The following ITGB6 variants were observed in gnomAD, a reference collection of about 807,000 sequenced individuals.
ITGB6 encodes integrin subunit beta 6.
ITGB6 carries 80 observed loss-of-function variants against 84.5 expected under a neutral mutation model. The ratio of observed to expected loss-of-function variants is 0.95; its 90% CI spans 0.79 to 1.14. The LOEUF (loss-of-function observed/expected upper bound fraction) is 1.14. Ranked by LOEUF, ITGB6 falls within the 50% of genes most tolerant of loss-of-function variation. The pLI is 0.00. For missense variants in ITGB6, 1,006 were observed against 968.0 expected (o/e 1.04, Z -0.52); for synonymous variants, 383 against 354.9 (o/e 1.08, Z -0.89).
intron 4 of ITGB6, among the ~76,000 whole-genome samples, chr2:160,174,370 T>C (rs954228919): frequency 6.6e-6 from 1 of 152,218 alleles, no homozygotes; most frequent in African/African-American, 2.4e-5. Context: ...TGTCTTGCAC[T>C]GGCTCAAACT....
At chr2:160,122,194 C>G (rs1683068540) in intron 12 of ITGB6, among the ~76,000 whole-genome samples, 1 of 152,142 alleles carries the variant, frequency 6.6e-6, no homozygotes, top group South Asian at 2.1e-4. Context: ...ATAATTGTAT[C>G]TCCCTATTTT....
At chr2:160,154,249 A>G (rs1374734239) in intron 7 of ITGB6, among the ~76,000 whole-genome samples, 2 of 152,232 alleles carry the variant, frequency 1.3e-5, no homozygotes, top group Non-Finnish European at 2.9e-5. Flanking sequence ...AATACTATGC[A>G]GCCATAAAAA....
In ITGB6 at chr2:160,126,409, G is replaced by A; in HGVS notation, c.1853C>T (p.Pro618Leu). 1 of 1,614,200 alleles carries A rather than the reference G, an allele frequency of 6.2e-7. No homozygotes were observed. The highest frequency in any genetic ancestry group is 8.5e-7 in the Non-Finnish European group (1 of 1,180,004). ...GASGPTCERC[P>L]TCGDPCNSKR... ...AGAGTTACAGGGGTCACCACAGGTA[G>A]GACATCGTTCACAGGTTGGTCCTGA... is the stretch of plus-strand genomic sequence containing the variant. Residue 618 changes from proline (P) to leucine (L), a missense_variant, in exon 11 of 15, where the codon CCT becomes CTT. By Grantham distance (98) the Pro-to-Leu change is moderately conservative (BLOSUM62 -3). Transcript: ENST00000283249.
intron 2 of ITGB6, among the ~76,000 whole-genome samples, chr2:160,198,066 A>C (rs1272600071): frequency 3.9e-5 from 6 of 152,220 alleles, no homozygotes. Flanking sequence ...CATTTAAATG[A>C]AAATTCTAGG....
At chr2:160,102,723 C>T (rs936519497) in intron 14 of ITGB6, among the ~76,000 whole-genome samples, 1 of 152,090 alleles carries the variant, frequency 6.6e-6, no homozygotes, top group African/African-American at 2.4e-5. Context: ...TGTTCCAGGC[C>T]GGAGGAAGGT....
In ITGB6 at chr2:160,199,615, T is replaced by C. The variant is rs955947824; in HGVS notation, c.62-357A>G. ...TTGCAACCATTAAAAAATGCTTCTT[T>C]CTTAAACAAGTTATTTCTGTTTTTG... On this transcript the variant is annotated intron_variant, in intron 1 of 14. Transcript: ENST00000283249. Among the ~76,000 whole-genome samples, 3 of 152,234 alleles carry C rather than the reference T, an allele frequency of 2.0e-5. No individual in the cohort carries two copies. In the East Asian group the frequency reaches 5.8e-4, roughly 29 times the overall value.
At chr2:160,135,515 G>A (rs1371729980) in intron 10 of ITGB6, among the ~76,000 whole-genome samples, 4 of 151,864 alleles carry the variant, frequency 2.6e-5, no homozygotes, top group African/African-American at 9.7e-5. Flanking sequence ...TCCCCATCAA[G>A]CTACCAATGA....
chr2:160,192,067 A>G (rs1288736804), intron 4 of ITGB6, among the ~76,000 whole-genome samples: 2 of 152,154 alleles, frequency 1.3e-5, no homozygotes, highest in East Asian at 3.8e-4. Context: ...AAATTGATCT[A>G]TGGTTTCAAT....
intron 7 of ITGB6, among the ~76,000 whole-genome samples, chr2:160,151,243 G>C (rs968187856): frequency 1.3e-5 from 2 of 152,152 alleles, no homozygotes; most frequent in African/African-American, 4.8e-5. Context: ...ACAATGAACT[G>C]TCTCTCATAC....
At chr2:160,116,373 A>T (rs1240724248) in intron 12 of ITGB6, among the ~76,000 whole-genome samples, 3 of 150,284 alleles carry the variant, frequency 2.0e-5, no homozygotes, top group South Asian at 2.1e-4. Context: ...TTCTTAAAGA[A>T]AAGAATTTTC....
intron 12 of ITGB6, among the ~76,000 whole-genome samples, chr2:160,122,535 C>T (rs1354693560): frequency 6.6e-6 from 1 of 152,066 alleles, no homozygotes; most frequent in African/African-American, 2.4e-5. Context: ...GAAGGTGATG[C>T]TAGGACTTTG....
In ITGB6 at chr2:160,100,122, G is replaced by C. The variant is rs1474806250; in HGVS notation, c.*1614C>G. On this transcript the variant is annotated 3_prime_UTR_variant, in exon 15 of 15. Transcript: ENST00000283249. ...TACTCTGTAAAGGTCTGATTTACCT[G>C]AGTTATCTAGAAACCAGCAAAAAAA... 1 of 152,108 alleles carries C rather than the reference G, an allele frequency of 6.6e-6. No individual in the cohort carries two copies. Among genetic ancestry groups the C allele is most frequent in the Non-Finnish European group, 1.5e-5 (1 of 68,018 alleles). The allele number at this position is 152,108 out of a possible 1,614,324, so 9.4% of individuals were successfully genotyped here. A position where few individuals can be genotyped will look rare whatever the true frequency, so the allele number is the denominator to read the frequency against.
intron 10 of ITGB6, among the ~76,000 whole-genome samples, chr2:160,137,214 A>C (rs1466848082): frequency 6.6e-6 from 1 of 152,198 alleles, no homozygotes; most frequent in African/African-American, 2.4e-5. Flanking sequence ...TTAGGGAAAC[A>C]ATAATAGACA....
At chr2:160,169,622 G>A (rs1173076665) in intron 6 of ITGB6, among the ~76,000 whole-genome samples, 1 of 152,194 alleles carries the variant, frequency 6.6e-6, no homozygotes, top group Non-Finnish European at 1.5e-5. Context: ...ATTTTCAAGG[G>A]TAGACAAACA....
intron 10 of ITGB6, among the ~76,000 whole-genome samples, chr2:160,136,638 C>G (rs2105816728): frequency 6.6e-6 from 1 of 152,310 alleles, no homozygotes. Flanking sequence ...ATAGCAAAGA[C>G]TTGGAACCAA....
At chr2:160,126,054 G>A (rs1683227458) in intron 11 of ITGB6, among the ~76,000 whole-genome samples, 1 of 152,286 alleles carries the variant, frequency 6.6e-6, no homozygotes, top group Non-Finnish European at 1.5e-5. Context: ...TACCTCCAGG[G>A]CATTCCTTCT....
intron 5 of ITGB6, among the ~76,000 whole-genome samples, chr2:160,173,402 C>T (rs900126430): frequency 6.6e-6 from 1 of 152,172 alleles, no homozygotes; most frequent in Non-Finnish European, 1.5e-5. Flanking sequence ...TTCCTTGGCC[C>T]TCCCACCTTC....
intron 13 of ITGB6, among the ~76,000 whole-genome samples, chr2:160,108,398 A>G (rs1696996497): frequency 6.6e-6 from 1 of 152,168 alleles, no homozygotes; most frequent in Non-Finnish European, 1.5e-5. Context: ...GATGGGTTTC[A>G]GTTCTGTTTT....
chr2:160,164,984 A>C (rs1684951504), intron 7 of ITGB6, among the ~76,000 whole-genome samples: 1 of 152,190 alleles, frequency 6.6e-6, no homozygotes, highest in Non-Finnish European at 1.5e-5. Context: ...TAATAAGGAA[A>C]GTGTAGGCAG....
Sources: allele counts gnomAD v4.1 joint callset (sites outside exome capture counted in the v4.1 genomes callset), GRCh38; gene constraint gnomAD v4.1.1; transcripts MANE v1.5; gene names NCBI Gene and HGNC (gene_info 2026-07-23, HGNC 2026-07-21).